The following ERI1 variants were observed in gnomAD, a reference collection of about 807,000 sequenced individuals.
ERI1 encodes the protein 3'-5' exoribonuclease 1.
In ERI1, 39 loss-of-function variants were observed where a neutral mutation model predicts 39.7. The observed-to-expected ratio is 0.98, with a 90% CI of 0.76 to 1.28. The LOEUF is 1.28. Ranked by LOEUF, ERI1 falls within the 50% of genes most tolerant of loss-of-function variation. The pLI is 0.00. For synonymous variants in ERI1, 204 were observed against 149.6 expected, an observed-to-expected ratio of 1.36 and a Z score of -2.65; for missense variants, 581 against 416.9, an observed-to-expected ratio of 1.39 and a Z score of -3.43.
At chr8:9,086,106 T>C (rs1034396797) in intron 3 of ERI1, among the ~76,000 whole-genome samples, 1 of 152,106 alleles carries the variant, frequency 6.6e-6, no homozygotes, top group African/African-American at 2.4e-5. Context: ...GCATTTACCA[T>C]GAATGCTAAA....
chr8:9,029,701 A>C, intron 6 of ERI1, 91 bp from the exon 7 acceptor site: 1 of 1,467,852 alleles, frequency 6.8e-7, no homozygotes, highest in Non-Finnish European at 9.4e-7. Flanking sequence ...TGTTAGTGCT[A>C]ATTTTCAGTT....
intron 6 of ERI1, among the ~76,000 whole-genome samples, chr8:9,025,927 G>A (rs1271836950): frequency 6.6e-6 from 1 of 152,066 alleles, no homozygotes; most frequent in Non-Finnish European, 1.5e-5. Context: ...CTGAAGTTAA[G>A]TTTCATACAG....
At chr8:9,015,775 A>C (rs79256858) in intron 3 of ERI1, among the ~76,000 whole-genome samples, 1 of 151,434 alleles carries the variant, frequency 6.6e-6, no homozygotes, top group South Asian at 2.1e-4. Flanking sequence ...AAAAGATTCA[A>C]CATTACTGTA....
chr8:9,040,724 G>A (rs952571170), intron 3 of ERI1, among the ~76,000 whole-genome samples: 1 of 111,226 alleles, frequency 9.0e-6, no homozygotes, highest in Non-Finnish European at 1.9e-5. Context: ...AATATAGTGT[G>A]TGTGTGGGGG....
At position 9,052,870 on chromosome 8, in the gene ERI1, C is replaced by T. The variant is rs549158992; in HGVS notation, n.299+32406C>T. Among the ~76,000 whole-genome samples the T allele has an allele frequency of 3.9e-5, 6 of 152,208 alleles. No individual in the cohort carries two copies. In the East Asian group the frequency reaches 9.7e-4, roughly 24 times the overall value. On this transcript the variant is annotated intron_variant and non_coding_transcript_variant, in intron 3 of 3. Coordinates refer to the ERI1 transcript ENST00000518663. Reference sequence around the variant, plus strand: ...ATCAAGGTGGGCCCTTAAATAGTTTCAGGAGAGAGGCTGGCCACACTACAA... The same window carrying T: ...ATCAAGGTGGGCCCTTAAATAGTTTTAGGAGAGAGGCTGGCCACACTACAA...
chr8:9,051,173 AAT>A (rs771269168), intron 3 of ERI1, among the ~76,000 whole-genome samples: 3 of 150,466 alleles, frequency 2.0e-5, no homozygotes, highest in Admixed American at 6.6e-5. Flanking sequence ...TGTATATATG[AAT>A]ATATATATAT....
intron 3 of ERI1, among the ~76,000 whole-genome samples, chr8:9,058,536 C>T (rs1430618688): frequency 6.6e-6 from 1 of 152,150 alleles, no homozygotes; most frequent in African/African-American, 2.4e-5. Flanking sequence ...CTTTGATGAT[C>T]TTCATGTATT....
intron 3 of ERI1, among the ~76,000 whole-genome samples, chr8:9,056,959 G>A (rs775787400): frequency 2.6e-5 from 4 of 151,024 alleles, no homozygotes; most frequent in Admixed American, 6.6e-5. Context: ...TCAGCCTCCC[G>A]AGTAGCTGGA....
At chr8:9,077,857 G>T (rs1348451645) in intron 3 of ERI1, among the ~76,000 whole-genome samples, 2 of 152,136 alleles carry the variant, frequency 1.3e-5, no homozygotes, top group African/African-American at 2.4e-5. Context: ...AGCATATTTG[G>T]GGAATTTTTT....
chr8:9,042,485 C>T (rs183636656), intron 3 of ERI1, among the ~76,000 whole-genome samples: 1 of 152,218 alleles, frequency 6.6e-6, no homozygotes, highest in Non-Finnish European at 1.5e-5. Context: ...ACAGCCTACT[C>T]TTGTGTCACT....
At chr8:9,014,021 C>G (rs1816963634) in intron 3 of ERI1, among the ~76,000 whole-genome samples, 2 of 152,184 alleles carry the variant, frequency 1.3e-5, no homozygotes, top group African/African-American at 4.8e-5. Context: ...CCAGAGTAAT[C>G]CTTTTAAAAT....
intron 3 of ERI1, among the ~76,000 whole-genome samples, chr8:9,045,786 C>G (rs1301410753): frequency 2.6e-5 from 4 of 151,266 alleles, no homozygotes. Context: ...AAGTGATTCT[C>G]CTGCCTCAGC....
intron 3 of ERI1, among the ~76,000 whole-genome samples, chr8:9,078,123 G>C (rs953898108): frequency 6.6e-6 from 1 of 152,262 alleles, no homozygotes; most frequent in South Asian, 2.1e-4. Flanking sequence ...CCGAGTAGCT[G>C]GGACGACATG....
At chr8:9,093,569 A>G (rs1447864608) in intron 3 of ERI1, among the ~76,000 whole-genome samples, 1 of 151,608 alleles carries the variant, frequency 6.6e-6, no homozygotes, top group African/African-American at 2.4e-5. Context: ...ACAGCTTAAG[A>G]CTGTTTATTT....
At chr8:9,054,574 C>G (rs1265107548) in intron 3 of ERI1, among the ~76,000 whole-genome samples, 1 of 152,130 alleles carries the variant, frequency 6.6e-6, no homozygotes, top group African/African-American at 2.4e-5. Context: ...ACCCAAAGAC[C>G]CAGAGTAAAC....
chr8:9,019,695 C>T (rs1323883975), intron 5 of ERI1, among the ~76,000 whole-genome samples: 1 of 152,126 alleles, frequency 6.6e-6, no homozygotes, highest in Non-Finnish European at 1.5e-5. Context: ...TTTTAATTTT[C>T]TTATAATATA....
intron 3 of ERI1, among the ~76,000 whole-genome samples, chr8:9,084,883 GA>G (rs1799477780): frequency 6.6e-6 from 1 of 152,166 alleles, no homozygotes; most frequent in South Asian, 2.1e-4. Flanking sequence ...TCGCTCAGGA[GA>G]AAAATGTTGT....
intron 6 of ERI1, among the ~76,000 whole-genome samples, chr8:9,022,548 C>G (rs544253619): frequency 6.6e-6 from 1 of 151,978 alleles, no homozygotes; most frequent in Non-Finnish European, 1.5e-5. Flanking sequence ...TACGGGCGCC[C>G]ACAACCACAA....
intron 3 of ERI1, among the ~76,000 whole-genome samples, chr8:9,053,546 T>G (rs553147191): frequency 1.8e-4 from 27 of 152,346 alleles, no homozygotes; most frequent in Middle Eastern, 3.4e-3. Flanking sequence ...GGAAACTGTA[T>G]GTGAATCATC....
Sources: allele counts gnomAD v4.1 joint callset (sites outside exome capture counted in the v4.1 genomes callset), GRCh38; gene constraint gnomAD v4.1.1; transcripts MANE v1.5; gene names NCBI Gene and HGNC (gene_info 2026-07-23, HGNC 2026-07-21).